Variants in CSMD1 observed in about 807,000 individuals in gnomAD.
CSMD1 encodes CUB and sushi domain-containing protein 1.
A neutral mutation model predicts 417.5 loss-of-function variants in CSMD1; 213 were observed. The observed-to-expected ratio is 0.51, with a 90% CI of 0.46 to 0.57. The LOEUF is 0.57. Among genes scored for constraint, CSMD1 ranks in the 20% least tolerant of loss-of-function variants. The pLI is 0.00. For synonymous variants in CSMD1, 2,862 were observed against 1,736.8 expected, an observed-to-expected ratio of 1.65 and a Z score of -16.11; for missense variants, 6,923 against 4,529.7, an observed-to-expected ratio of 1.53 and a Z score of -15.17.
intron 40 of CSMD1, among the ~76,000 whole-genome samples, chr8:3,145,721 T>A (rs1487710793): frequency 1.3e-5 from 2 of 152,174 alleles, no homozygotes; most frequent in Non-Finnish European, 2.9e-5. Context: ...AAAGCCCAAA[T>A]AAAAGGATTA....
intron 2 of CSMD1, among the ~76,000 whole-genome samples, chr8:4,557,139 A>G (rs1174519329): frequency 1.3e-5 from 2 of 152,184 alleles, no homozygotes; most frequent in African/African-American, 4.8e-5. Flanking sequence ...TGTAAAGGTT[A>G]ATTTTGCTTT....
At chr8:3,549,741 C>T (rs900009753) in intron 10 of CSMD1, among the ~76,000 whole-genome samples, 5 of 152,204 alleles carry the variant, frequency 3.3e-5, no homozygotes, top group Admixed American at 2.0e-4. Flanking sequence ...AGCAAGAAGG[C>T]GATCCCCAGA....
intron 3 of CSMD1, among the ~76,000 whole-genome samples, chr8:4,117,687 C>T (rs1032066653): frequency 1.3e-5 from 2 of 152,166 alleles, no homozygotes; most frequent in African/African-American, 4.8e-5. Context: ...ATACCTGACA[C>T]TGGCCTTCTC....
At chr8:3,165,767 A>G (rs1820170202) in intron 37 of CSMD1, among the ~76,000 whole-genome samples, 1 of 152,112 alleles carries the variant, frequency 6.6e-6, no homozygotes, top group Admixed American at 6.6e-5. Context: ...GCTAGGCTTG[A>G]CATACAGGAC....
intron 5 of CSMD1, among the ~76,000 whole-genome samples, chr8:3,782,127 A>G (rs1418323423): frequency 1.3e-5 from 2 of 152,212 alleles, no homozygotes; most frequent in East Asian, 1.9e-4. Context: ...GGGGTCATAT[A>G]ATTTCTTTTT....
intron 7 of CSMD1, among the ~76,000 whole-genome samples, chr8:3,653,267 G>A (rs1797949114): frequency 1.3e-5 from 2 of 151,988 alleles, no homozygotes; most frequent in Non-Finnish European, 2.9e-5. Flanking sequence ...ATAAGTTAGG[G>A]ATGGCTGGAA....
chr8:4,197,815 G>A (rs1176819105), intron 3 of CSMD1, among the ~76,000 whole-genome samples: 3 of 152,120 alleles, frequency 2.0e-5, no homozygotes, highest in East Asian at 3.9e-4. Flanking sequence ...GGAGGCAGAG[G>A]TTGCAGTGAG....
chr8:4,242,291 T>G (rs1802449012), intron 3 of CSMD1, among the ~76,000 whole-genome samples: 1 of 152,190 alleles, frequency 6.6e-6, no homozygotes, highest in Non-Finnish European at 1.5e-5. Flanking sequence ...AAGGGCAGAC[T>G]GGAAAATTCA....
At chr8:3,655,196 C>G (rs549956575) in intron 7 of CSMD1, among the ~76,000 whole-genome samples, 52 of 152,142 alleles carry the variant, frequency 3.4e-4, no homozygotes, top group African/African-American at 1.2e-3. Context: ...ATTTTTTGGT[C>G]AAAACCAACT....
rs1055269640 is a variant in CSMD1, at chr8:3,345,820, G to A, written c.3474+2172C>T. On this transcript the variant is annotated intron_variant, in intron 22 of 69. Coordinates refer to ENST00000635120, the MANE Select transcript of CSMD1 (RefSeq NM_033225.6). ...GCATGACAACATTGAAAGTTCTGGGGAAATCTTTCCCAGTTTTACAGAAAC... is the reference window on the plus strand; with the variant it reads ...GCATGACAACATTGAAAGTTCTGGGAAAATCTTTCCCAGTTTTACAGAAAC... 7.9e-5 allele frequency among the ~76,000 whole-genome samples: 12 copies of A among 152,158 alleles called. No homozygotes were observed. The East Asian group carries it at 2.3e-3, about 29-fold the overall frequency.
chr8:4,202,674 A>C lies in CSMD1; in HGVS notation c.416-170575T>G, dbSNP rs140496158. Among the ~76,000 whole-genome samples the C allele has an allele frequency of 9.5e-3, 1,446 of 152,318 alleles. 19 individuals carry two copies. Among genetic ancestry groups the C allele is most frequent in the African/African-American group, 0.032 (1,340 of 41,558 alleles). On this transcript the variant is annotated intron_variant, in intron 3 of 69. Coordinates refer to ENST00000635120, the MANE Select transcript of CSMD1 (RefSeq NM_033225.6). ...ACCAACCCTGTAGCTACACTCATAAAACTTTCAGTGAAAGAGGGAGAACCA... is the reference window on the plus strand; with the variant it reads ...ACCAACCCTGTAGCTACACTCATAACACTTTCAGTGAAAGAGGGAGAACCA...
At chr8:3,367,606 G>A (rs1173749953) in intron 19 of CSMD1, among the ~76,000 whole-genome samples, 2 of 152,090 alleles carry the variant, frequency 1.3e-5, no homozygotes, top group Non-Finnish European at 2.9e-5. Context: ...GAGGAAAATT[G>A]GTGGAAAGAG....
At chr8:3,586,444 C>G (rs1800605654) in intron 8 of CSMD1, among the ~76,000 whole-genome samples, 184 bp from the exon 9 acceptor site, 2 of 152,074 alleles carry the variant, frequency 1.3e-5, no homozygotes, top group Admixed American at 1.3e-4. Flanking sequence ...GTTATAAAAT[C>G]AAAAGACTTG....
intron 3 of CSMD1, among the ~76,000 whole-genome samples, chr8:4,302,986 A>G (rs4875092): frequency 1 from 151,674 of 152,266 alleles, 75,542 homozygotes; most frequent in Middle Eastern, 1. Context: ...CCCTCTGTAT[A>G]TCAAATAGAC....
chr8:3,937,023 G>A (rs942084166), intron 5 of CSMD1, among the ~76,000 whole-genome samples: 2 of 152,128 alleles, frequency 1.3e-5, no homozygotes, highest in African/African-American at 4.8e-5. Flanking sequence ...AGGTTTCAGT[G>A]GAGGAAGTAA....
chr8:3,433,529 T>C (rs1443053468), intron 12 of CSMD1, among the ~76,000 whole-genome samples: 1 of 152,192 alleles, frequency 6.6e-6, no homozygotes, highest in East Asian at 1.9e-4. Flanking sequence ...TATTATGTAA[T>C]GACCATGGTT....
intron 26 of CSMD1, among the ~76,000 whole-genome samples, chr8:3,243,272 G>C (rs566730843): frequency 2.0e-5 from 3 of 152,076 alleles, no homozygotes; most frequent in African/African-American, 7.2e-5. Flanking sequence ...GAGAACAGGG[G>C]ATTGATCTCC....
chr8:4,624,626 T>C (rs1336146108), intron 2 of CSMD1, among the ~76,000 whole-genome samples: 1 of 152,182 alleles, frequency 6.6e-6, no homozygotes, highest in Non-Finnish European at 1.5e-5. Context: ...CTCACATTTT[T>C]GCCTGGCAAC....
At chr8:3,721,592 T>C (rs1026873640) in intron 6 of CSMD1, among the ~76,000 whole-genome samples, 23 of 152,354 alleles carry the variant, frequency 1.5e-4, no homozygotes, top group African/African-American at 5.0e-4. Flanking sequence ...TTCAAACTTA[T>C]TTTCTCCTTT....
Sources: allele counts gnomAD v4.1 joint callset (sites outside exome capture counted in the v4.1 genomes callset), GRCh38; gene constraint gnomAD v4.1.1; transcripts MANE v1.5; gene names NCBI Gene and HGNC (gene_info 2026-07-23, HGNC 2026-07-21).